The following XRRA1 variants were observed in gnomAD, a reference collection of about 807,000 sequenced individuals.
XRRA1 encodes the protein X-ray radiation resistance-associated protein 1.
In XRRA1, 69 loss-of-function variants were observed where a neutral mutation model predicts 80.2. The ratio of observed to expected loss-of-function variants is 0.86; its 90% CI spans 0.71 to 1.05. The LOEUF (loss-of-function observed/expected upper bound fraction) is 1.05, where lower values mean the gene tolerates loss of function less well. Among genes scored for constraint, XRRA1 ranks in the 50% least tolerant of loss-of-function variants. The pLI, the probability that XRRA1 is intolerant of heterozygous loss-of-function variation, is 0.00. For synonymous variants in XRRA1, 348 were observed against 389.9 expected (o/e 0.89, Z 1.27); for missense variants, 967 against 976.4 (o/e 0.99, Z 0.13).
At chr11:74,884,253 A>G (rs925866743) in intron 10 of XRRA1, among the ~76,000 whole-genome samples, 9 of 152,204 alleles carry the variant, frequency 5.9e-5, no homozygotes, top group African/African-American at 2.2e-4. Context: ...GCACAGGGGA[A>G]TGTCAGCAGC....
intron 10 of XRRA1, among the ~76,000 whole-genome samples, chr11:74,871,631 A>T (rs961708752): frequency 3.3e-5 from 5 of 151,864 alleles, no homozygotes; most frequent in Non-Finnish European, 4.4e-5. Context: ...TGTCCCCCTT[A>T]TTTAGGGCCC....
chr11:74,900,483 G>C (rs2053374731), intron 10 of XRRA1, among the ~76,000 whole-genome samples: 1 of 152,162 alleles, frequency 6.6e-6, no homozygotes, highest in Admixed American at 6.5e-5. Flanking sequence ...TTGGGAGGCT[G>C]AGGCAGGAGA....
chr11:74,883,333 G>C (rs961579085), intron 10 of XRRA1, among the ~76,000 whole-genome samples: 2 of 152,102 alleles, frequency 1.3e-5, no homozygotes, highest in African/African-American at 2.4e-5. Flanking sequence ...GACCCCTTGC[G>C]CTTCCCAAGT....
rs1025906967 is a variant in XRRA1, at chr11:74,945,041, C to T, written c.-28G>A. ...ACTTGATCTTTGACTTTGGGAATGGCCCCTTAACTTCCTTTTTTTTTTGTT... is the reference window on the plus strand; with the variant it reads ...ACTTGATCTTTGACTTTGGGAATGGTCCCTTAACTTCCTTTTTTTTTTGTT... On this transcript the variant is annotated 5_prime_UTR_variant, in exon 2 of 19. Transcript: ENST00000684022. 6.6e-6 allele frequency: 1 copy of T among 152,532 alleles called. No homozygotes were observed. The highest frequency in any genetic ancestry group is 1.5e-5 in the Non-Finnish European group (1 of 68,026). The allele number at this position is 152,532 out of a possible 1,614,324, so 9.4% of individuals were successfully genotyped here. A position where few individuals can be genotyped will look rare whatever the true frequency, so the allele number is the denominator to read the frequency against.
At chr11:74,925,443 TAC>T (rs769444744) in intron 7 of XRRA1, among the ~76,000 whole-genome samples, 1 of 152,212 alleles carries the variant, frequency 6.6e-6, no homozygotes, top group Non-Finnish European at 1.5e-5. Context: ...CAAGTTTTAT[TAC>T]ACATCAAAAT....
In XRRA1 at chr11:74,945,038, TG is replaced by T; in HGVS notation, c.-26del. Reference sequence around the variant, plus strand: ...CTTACTTGATCTTTGACTTTGGGAATGGCCCCTTAACTTCCTTTTTTTTTTG... The same window carrying T: ...CTTACTTGATCTTTGACTTTGGGAATGCCCCTTAACTTCCTTTTTTTTTTG... On this transcript the variant is annotated 5_prime_UTR_variant, in exon 2 of 19. Coordinates refer to ENST00000684022, the MANE Select transcript of XRRA1 (RefSeq NM_001378157.1). 1 of 152,700 alleles carries T rather than the reference TG, an allele frequency of 6.5e-6. No individual in the cohort carries two copies. The highest frequency in any genetic ancestry group is 1.9e-4 in the East Asian group (1 of 5,186). 9.5% of individuals were successfully genotyped at this position (152,700 alleles called of 1,614,324 possible).
intron 1 of XRRA1, among the ~76,000 whole-genome samples, 188 bp from the exon 2 acceptor site, chr11:74,945,273 A>G (rs1204950673): frequency 6.6e-6 from 1 of 152,190 alleles, no homozygotes; most frequent in African/African-American, 2.4e-5. Context: ...CAAGACATAG[A>G]TGGGAAGGTG....
chr11:74,937,178 A>C, intron 3 of XRRA1, 110 bp from the exon 4 acceptor site: 1 of 1,137,360 alleles, frequency 8.8e-7, no homozygotes, highest in Non-Finnish European at 1.2e-6. Flanking sequence ...TGATTATCTA[A>C]CATGCACCAG....
At position 74,847,708 on chromosome 11, in the gene XRRA1, C is replaced by T. The variant is rs181092945; in HGVS notation, c.1728+407G>A. ...ATAAGCTGTTCCTGTCTATGTTCCC[C>T]ATTATACTGAGAGCACCTTAAGGGC... is the stretch of plus-strand genomic sequence containing the variant. On this transcript the variant is annotated intron_variant, in intron 15 of 18. Transcript: ENST00000684022. Among the ~76,000 whole-genome samples, 671 of 152,252 alleles carry T rather than the reference C, an allele frequency of 4.4e-3. 2 individuals carry two copies. The highest frequency in any genetic ancestry group is 7.4e-3 in the Non-Finnish European group (504 of 68,010).
At chr11:74,852,792 G>C (rs2040200231) in intron 12 of XRRA1, among the ~76,000 whole-genome samples, 1 of 152,194 alleles carries the variant, frequency 6.6e-6, no homozygotes, top group Non-Finnish European at 1.5e-5. Flanking sequence ...CTTGGCGAGA[G>C]TATTTATTTG....
chr11:74,864,576 C>A (rs1357819118), intron 10 of XRRA1, among the ~76,000 whole-genome samples: 1 of 152,206 alleles, frequency 6.6e-6, no homozygotes, highest in Non-Finnish European at 1.5e-5. Flanking sequence ...AGCCTAGAAA[C>A]ACCCCAGGCT....
rs35880400 is a variant in XRRA1 at position 74,904,891 on chromosome 11, T to TAA, written c.1003+1346_1003+1347dup. On this transcript the variant is annotated intron_variant, in intron 10 of 18. Coordinates refer to ENST00000684022, the MANE Select transcript of XRRA1 (RefSeq NM_001378157.1). Reference sequence around the variant, plus strand: ...ACAGAGAACCAAACCAACTTCACAGTAAAAAAAAAAAAAAAAAAAGCCAGA... The same window carrying TAA: ...ACAGAGAACCAAACCAACTTCACAGTAAAAAAAAAAAAAAAAAAAAAGCCAGA... Among the ~76,000 whole-genome samples, 665 of 70,072 alleles carry TAA rather than the reference T, an allele frequency of 9.5e-3. 13 individuals carry two copies. Among genetic ancestry groups the TAA allele is most frequent in the African/African-American group, 0.033 (616 of 18,392 alleles). The allele number at this position is 70,072 out of a possible 152,430, so 46.0% of individuals were successfully genotyped here. A position where few individuals can be genotyped will look rare whatever the true frequency, so the allele number is the denominator to read the frequency against.
chr11:74,906,695 T>C lies in XRRA1; in HGVS notation c.786-239A>G, dbSNP rs2054678317. 5.3e-6 allele frequency: 3 copies of C among 562,606 alleles called. No individual in the cohort carries two copies. In the South Asian group the frequency reaches 6.8e-5, roughly 13 times the overall value. 34.9% of individuals were successfully genotyped at this position (562,606 alleles called of 1,614,324 possible). A position where few individuals can be genotyped will look rare whatever the true frequency, so the allele number is the denominator to read the frequency against. On this transcript the variant is annotated intron_variant, in intron 9 of 18. Transcript: ENST00000684022. ...TTAATGAGGCAATATGTAAATGGCC[T>C]GGCACAAAGTAGTATTCAGTAAATG...
At position 74,841,874 on chromosome 11, in the gene XRRA1, A is replaced by G. The variant is rs1311598617; in HGVS notation, c.*1326T>C. The G allele has an allele frequency of 6.6e-6, 1 of 152,286 alleles. No homozygotes were observed. The highest frequency in any genetic ancestry group is 1.5e-5 in the Non-Finnish European group (1 of 68,044). The allele number at this position is 152,286 out of a possible 1,614,324, so 9.4% of individuals were successfully genotyped here. A position where few individuals can be genotyped will look rare whatever the true frequency, so the allele number is the denominator to read the frequency against. The stretch of plus-strand genomic sequence containing the variant: ...CACCACCCTCCAAAGCTGTGCCACC[A>G]ATGAGAGCATTGGGTTCAAGTTTGC... On this transcript the variant is annotated 3_prime_UTR_variant, in exon 19 of 19. Coordinates refer to ENST00000684022, the MANE Select transcript of XRRA1 (RefSeq NM_001378157.1).
In XRRA1 at chr11:74,863,377, C is replaced by T. The variant is rs148943459; in HGVS notation, c.1004-356G>A. On this transcript the variant is annotated intron_variant, in intron 10 of 18. Transcript: ENST00000684022. ...TGACTTTAAAGCACATAAGCACTTT[C>T]GAGCCTCAGAATTACTGGGGAGTCC... 19 of 260,554 alleles carry T rather than the reference C, an allele frequency of 7.3e-5. No homozygotes were observed. In the East Asian group the frequency reaches 1.4e-3, roughly 20 times the overall value. The allele number at this position is 260,554 out of a possible 1,614,324, so 16.1% of individuals were successfully genotyped here. A position where few individuals can be genotyped will look rare whatever the true frequency, so the allele number is the denominator to read the frequency against.
intron 11 of XRRA1, among the ~76,000 whole-genome samples, chr11:74,862,570 G>A (rs2042532451): frequency 1.3e-5 from 2 of 152,376 alleles, no homozygotes; most frequent in South Asian, 2.1e-4. Flanking sequence ...TTAGGTCCTG[G>A]ATAGTGGTGT....
intron 7 of XRRA1, among the ~76,000 whole-genome samples, chr11:74,923,814 T>C (rs749721512): frequency 1.3e-5 from 2 of 152,208 alleles, no homozygotes; most frequent in Non-Finnish European, 1.5e-5. Flanking sequence ...TACTGCTATT[T>C]TGTGTAACCC....
At chr11:74,901,389 C>T (rs1199881011) in intron 10 of XRRA1, among the ~76,000 whole-genome samples, 1 of 152,104 alleles carries the variant, frequency 6.6e-6, no homozygotes, top group East Asian at 1.9e-4. Flanking sequence ...AGATTCAATA[C>T]AATCCCTACA....
intron 6 of XRRA1, 135 bp downstream of exon 6, chr11:74,930,165 A>G: frequency 1.3e-6 from 1 of 760,666 alleles, no homozygotes; most frequent in Non-Finnish European, 2.2e-6. Context: ...TGTGCTCTCC[A>G]GCACCCAGCC....
Sources: allele counts gnomAD v4.1 joint callset (sites outside exome capture counted in the v4.1 genomes callset), GRCh38; gene constraint gnomAD v4.1.1; transcripts MANE v1.5; gene names NCBI Gene and HGNC (gene_info 2026-07-23, HGNC 2026-07-21).